Variants in HMGB1 observed in about 807,000 individuals in gnomAD.
The protein encoded by HMGB1 is high mobility group box 1.
For synonymous variants in HMGB1, 81 were observed against 84.0 expected, an observed-to-expected ratio of 0.96 and a Z score of 0.19; for missense variants, 79 against 253.5, an observed-to-expected ratio of 0.31 and a Z score of 4.67.
intron 1 of HMGB1, among the ~76,000 whole-genome samples, chr13:30,588,147 A>G (rs965548181): frequency 2.0e-5 from 3 of 152,260 alleles, no homozygotes; most frequent in Admixed American, 6.5e-5. Flanking sequence ...AAAGAGCATA[A>G]TATCTATTCT....
intron 1 of HMGB1, among the ~76,000 whole-genome samples, chr13:30,473,961 A>G (rs1022140736): frequency 1.3e-5 from 2 of 152,226 alleles, no homozygotes; most frequent in African/African-American, 4.8e-5. Flanking sequence ...AAGGCCACAT[A>G]TTGTATGATT....
rs12584410 is a variant in HMGB1, at chr13:30,579,476, T to C, written c.-15+37195A>G. On this transcript the variant is annotated intron_variant, in intron 1 of 4. Coordinates refer to the HMGB1 transcript ENST00000405805. ...TTAGTACAATTTATTATTTTCGTAA[T>C]AACCTCAGCTATAATATAAGTCTAC... Among the ~76,000 whole-genome samples the C allele has an allele frequency of 3.5e-3, 529 of 152,366 alleles. 16 individuals carry two copies. In the East Asian group the frequency reaches 0.088, roughly 25 times the overall value.
intron 1 of HMGB1, among the ~76,000 whole-genome samples, chr13:30,569,840 T>C (rs1300296521): frequency 6.6e-6 from 1 of 152,220 alleles, no homozygotes; most frequent in Non-Finnish European, 1.5e-5. Context: ...CAAAATCAAA[T>C]GTAAATACTT....
intron 1 of HMGB1, among the ~76,000 whole-genome samples, chr13:30,546,155 T>G (rs1869147793): frequency 6.6e-6 from 1 of 152,168 alleles, no homozygotes; most frequent in Non-Finnish European, 1.5e-5. Context: ...CTTGCTCTGT[T>G]GCCAGGCTGG....
At chr13:30,512,710 A>T (rs1888019070) in intron 1 of HMGB1, among the ~76,000 whole-genome samples, 1 of 152,194 alleles carries the variant, frequency 6.6e-6, no homozygotes, top group Admixed American at 6.5e-5. Context: ...AATAATGATA[A>T]TTAACAAGTA....
At chr13:30,569,432 A>C (rs1000770581) in intron 1 of HMGB1, among the ~76,000 whole-genome samples, 1 of 152,142 alleles carries the variant, frequency 6.6e-6, no homozygotes, top group African/African-American at 2.4e-5. Flanking sequence ...TAGTGTAAAC[A>C]AGCCTAGTTC....
Position 30,562,044 on chromosome 13 carries a change from G to A in HMGB1, c.-15+54627C>T, listed in dbSNP as rs183838795. 1.8e-4 allele frequency among the ~76,000 whole-genome samples: 27 copies of A among 152,290 alleles called. 1 individual carries two copies. The East Asian group carries it at 4.8e-3, about 27-fold the overall frequency. ...TACAGAAGTTGTGATATACTTGGCCGGGCGCAGTGGCTCACGCCTGTAATC... is the reference window on the plus strand; with the variant it reads ...TACAGAAGTTGTGATATACTTGGCCAGGCGCAGTGGCTCACGCCTGTAATC... On this transcript the variant is annotated intron_variant, in intron 1 of 4. Transcript: ENST00000405805.
chr13:30,579,087 T>C (rs1870788405), intron 1 of HMGB1, among the ~76,000 whole-genome samples: 1 of 152,248 alleles, frequency 6.6e-6, no homozygotes, highest in Non-Finnish European at 1.5e-5. Flanking sequence ...CTCATCTTTG[T>C]ATGTCCTGGG....
intron 1 of HMGB1, among the ~76,000 whole-genome samples, chr13:30,474,882 C>A (rs1266084184): frequency 7.3e-6 from 1 of 137,340 alleles, no homozygotes; most frequent in Middle Eastern, 3.8e-3. Flanking sequence ...CAGGGTCTTG[C>A]TCTTTCGCCT....
chr13:30,546,763 G>C (rs2137508126), intron 1 of HMGB1, among the ~76,000 whole-genome samples: 1 of 152,274 alleles, frequency 6.6e-6, no homozygotes, highest in African/African-American at 2.4e-5. Flanking sequence ...GGGATTACAG[G>C]CATAAGCCAC....
intron 1 of HMGB1, among the ~76,000 whole-genome samples, chr13:30,524,706 T>A (rs61947771): frequency 2.2e-4 from 2 of 9,286 alleles, no homozygotes; most frequent in Non-Finnish European, 1.1e-3. Flanking sequence ...AAATAAATAA[T>A]AATAATAATA....
Position 30,465,909 on chromosome 13 carries a change from C to G in HMGB1, c.-128G>C. 1.0e-6 allele frequency: 1 copy of G among 985,976 alleles called. No individual in the cohort carries two copies. The highest frequency in any genetic ancestry group is 4.7e-5 in the South Asian group (1 of 21,292). The allele number at this position is 985,976 out of a possible 1,614,324, so 61.1% of individuals were successfully genotyped here. ...TGTGAGAGCGGGAGCCAGACGCAGC[C>G]TCCTCACTCTCTCCGCTCTGTAACA... is the stretch of plus-strand genomic sequence containing the variant. On this transcript the variant is annotated 5_prime_UTR_variant, in exon 1 of 5. Coordinates refer to ENST00000341423, the MANE Select transcript of HMGB1 (RefSeq NM_002128.7).
At position 30,465,797 on chromosome 13, in the gene HMGB1, C is replaced by G. The variant is rs993282499; in HGVS notation, c.-16G>C. The G allele has an allele frequency of 5.7e-5, 56 of 985,746 alleles. No individual in the cohort carries two copies. In the African/African-American group the frequency reaches 8.0e-4, roughly 14 times the overall value. The allele number at this position is 985,746 out of a possible 1,614,324, so 61.1% of individuals were successfully genotyped here. A position where few individuals can be genotyped will look rare whatever the true frequency, so the allele number is the denominator to read the frequency against. ...GCCGCGGCGCTGCCCCAGACTCACC[C>G]TCAGCGAGGCACAGAGTCGCCCAGT... is the stretch of plus-strand genomic sequence containing the variant. On this transcript the variant is annotated splice_region_variant and 5_prime_UTR_variant, in exon 1 of 5. Coordinates refer to ENST00000341423, the MANE Select transcript of HMGB1 (RefSeq NM_002128.7).
intron 1 of HMGB1, chr13:30,465,279 G>GCGCCCCGCCCGCCCCGC (rs1886702201): frequency 1.5e-5 from 2 of 136,272 alleles, no homozygotes; most frequent in Non-Finnish European, 3.1e-5. Context: ...GCCCGCCGCG[G>GCGCCCCGCCCGCCCCGC]CGCCCCGCCC....
intron 1 of HMGB1, among the ~76,000 whole-genome samples, chr13:30,608,795 T>G (rs1420819816): frequency 6.6e-6 from 1 of 152,202 alleles, no homozygotes; most frequent in African/African-American, 2.4e-5. Context: ...TCAGTAAACT[T>G]AATTTCAATC....
At chr13:30,510,651 G>A (rs143943361) in intron 1 of HMGB1, among the ~76,000 whole-genome samples, 176 of 152,134 alleles carry the variant, frequency 1.2e-3, no homozygotes, top group Non-Finnish European at 2.0e-3. Flanking sequence ...TTAGCGGCAC[G>A]GTTCCATTTC....
upstream of HMGB1, among the ~76,000 whole-genome samples, chr13:30,467,145 G>A (rs1886811941): frequency 6.6e-6 from 1 of 152,196 alleles, no homozygotes; most frequent in African/African-American, 2.4e-5. Context: ...AGTTATATCA[G>A]TCCTTTATGA....
At chr13:30,538,799 C>T (rs1191323114) in intron 1 of HMGB1, among the ~76,000 whole-genome samples, 1 of 132,152 alleles carries the variant, frequency 7.6e-6, no homozygotes, top group African/African-American at 2.9e-5. Context: ...TTCTTTCTTC[C>T]TTTCTCTCTC....
At position 30,457,907 on chromosome 13, in the gene HMGB1, A is replaced by ACAAT. The variant is rs1315512397; in HGVS notation, c.*3446_*3449dup. 1 of 152,210 alleles carries ACAAT rather than the reference A, an allele frequency of 6.6e-6. No individual in the cohort carries two copies. Among genetic ancestry groups the ACAAT allele is most frequent in the African/African-American group, 2.4e-5 (1 of 41,456 alleles). 9.4% of individuals were successfully genotyped at this position (152,210 alleles called of 1,614,324 possible). On this transcript the variant is annotated 3_prime_UTR_variant, in exon 5 of 5. Coordinates refer to ENST00000341423, the MANE Select transcript of HMGB1 (RefSeq NM_002128.7). ...TGAACCACCATCTTTTGCTGGATAGACAATCAAATCACTTTCTGGCTTTTA... is the reference window on the plus strand; with the variant it reads ...TGAACCACCATCTTTTGCTGGATAGACAATCAATCAAATCACTTTCTGGCTTTTA...
Sources: allele counts gnomAD v4.1 joint callset (sites outside exome capture counted in the v4.1 genomes callset), GRCh38; gene constraint gnomAD v4.1.1; transcripts MANE v1.5; gene names NCBI Gene and HGNC (gene_info 2026-07-23, HGNC 2026-07-21).